The following DVL2 variants were observed in gnomAD, a reference collection of about 807,000 sequenced individuals.
The protein encoded by DVL2 is dishevelled segment polarity protein 2.
In DVL2, 38 loss-of-function variants were observed where a neutral mutation model predicts 69.8. The observed-to-expected ratio is 0.54, with a 90% CI of 0.42 to 0.71. DVL2 has a LOEUF of 0.71. Ranked by LOEUF, DVL2 falls within the 30% of genes least tolerant of loss-of-function variation. DVL2 has a pLI of 0.00. For missense variants in DVL2, 931 were observed against 1,008.1 expected (o/e 0.92, Z 1.04); for synonymous variants, 428 against 392.4 (o/e 1.09, Z -1.07).
chr17:7,231,397 T>C (rs1267503697), intron 1 of DVL2, among the ~76,000 whole-genome samples: 4 of 137,174 alleles, frequency 2.9e-5, no homozygotes, highest in African/African-American at 1.1e-4. Context: ...CGGGAGACAG[T>C]GGTTGCAGTA....
rs1430288575 is a variant in DVL2, at chr17:7,229,939, C to T, written c.525G>A (p.Gly175=). The change falls in exon 5 of 15, where the codon GGG becomes GGA. Residue 175 remains glycine (G), a synonymous_variant. Transcript: ENST00000005340. This position sits in a 1 kb window ranked among gnomAD's most constrained non-coding sequence, Gnocchi z 4.4. ...RRRDSSEHGA[G]GHRTGGPSRL... ...TTGAGGGGCCACCAGTCCTGTGGCC[C>T]CCAGCTACATATGGACAGGAAGCTC... 6.2e-7 allele frequency: 1 copy of T among 1,608,268 alleles called. No homozygotes were observed. The highest frequency in any genetic ancestry group is 1.1e-5 in the South Asian group (1 of 91,080).
intron 1 of DVL2, among the ~76,000 whole-genome samples, chr17:7,231,511 T>A (rs1303672837): frequency 6.7e-6 from 1 of 149,590 alleles, no homozygotes; most frequent in Non-Finnish European, 1.5e-5. Flanking sequence ...TCTACTCTTA[T>A]ACTTTCCTTT....
chr17:7,233,656 G>T (rs992470876), intron 1 of DVL2, among the ~76,000 whole-genome samples: 3 of 152,080 alleles, frequency 2.0e-5, no homozygotes, highest in African/African-American at 7.2e-5. Flanking sequence ...CACCGTGTTA[G>T]CCAGGATGGC....
chr17:7,227,057 C>T, intron 13 of DVL2, 33 bp downstream of exon 13: 1 of 1,577,276 alleles, frequency 6.3e-7, no homozygotes. Context: ...GTAGGCAAAG[C>T]CACACTCCCA....
At chr17:7,230,558 A>C in intron 2 of DVL2, 128 bp from the exon 3 acceptor site, 3 of 1,383,234 alleles carry the variant, frequency 2.2e-6, no homozygotes, top group Non-Finnish European at 3.0e-6. Flanking sequence ...CAAGTATTAG[A>C]GACTCCAGAA....
intron 9 of DVL2, 57 bp from the exon 10 acceptor site, chr17:7,228,101 C>G: frequency 7.1e-7 from 1 of 1,416,034 alleles, no homozygotes; most frequent in Non-Finnish European, 9.6e-7. Context: ...CTCAGGAGGG[C>G]GGGGGTCTGA....
intron 2 of DVL2, 25 bp downstream of exon 2, chr17:7,230,703 G>C: frequency 4.4e-6 from 7 of 1,601,020 alleles, no homozygotes; most frequent in Non-Finnish European, 6.0e-6. Context: ...GAGGGGGCCT[G>C]GTCCTCGGTG....
Position 7,225,870 on chromosome 17 carries a change from T to C in DVL2, c.2206A>G (p.Met736Val). The change falls in exon 15 of 15, where the codon ATG (methionine) becomes GTG (valine). Residue 736 changes from methionine to valine, a missense_variant. By Grantham distance (21) the Met-to-Val change is conservative. Transcript: ENST00000005340. ...GNPSEFFVDVM is the reference protein window; with the variant it reads ...GNPSEFFVDVV ...CAGCCTGGCCCCACAGTGGGCTACA[T>C]AACATCCACAAAGAACTCGCTGGGA... 1 of 1,613,694 alleles carries C rather than the reference T, an allele frequency of 6.2e-7. No individual in the cohort carries two copies. Among genetic ancestry groups the C allele is most frequent in the South Asian group, 1.1e-5 (1 of 91,086 alleles).
rs1256620464 is a variant in DVL2 at position 7,225,825 on chromosome 17, C to A, written c.*40G>T. ...ACATGACGGCCAGGACACCCAGTCA[C>A]ACACCAGGAGCGCCCGGCCCAGCCT... On this transcript the variant is annotated 3_prime_UTR_variant, in exon 15 of 15. Transcript: ENST00000005340. 1.3e-6 allele frequency: 2 copies of A among 1,571,978 alleles called. No individual in the cohort carries two copies. Among genetic ancestry groups the A allele is most frequent in the South Asian group, 1.1e-5 (1 of 90,192 alleles).
chr17:7,234,067 A>C lies in DVL2; in HGVS notation c.194+2T>G, dbSNP rs1337412637. 6.2e-7 allele frequency: 1 copy of C among 1,613,674 alleles called. No individual in the cohort carries two copies. Among genetic ancestry groups the C allele is most frequent in the Non-Finnish European group, 8.5e-7 (1 of 1,179,980 alleles). On this transcript the variant is annotated splice_donor_variant, in intron 1 of 14. Transcript: ENST00000005340. LOFTEE classifies it high-confidence loss of function. ...CCGGTCCTATCTAGGCCTTGCGCTC[A>C]CCCGAAATCCTGATCCATAGACTTG...
At position 7,229,683 on chromosome 17, in the gene DVL2, CAGG is replaced by C. The variant is rs950033009; in HGVS notation, c.657-8_657-6del. ...TGCTCCGTGGAGCTGCTGAACCTAC[CAGG>C]AGGTTGGGAAGGAGAGCAAACGTAG... On this transcript the variant is annotated splice_polypyrimidine_tract_variant and splice_region_variant and intron_variant, in intron 5 of 14. Transcript: ENST00000005340. This position sits in a 1 kb window ranked among gnomAD's most constrained non-coding sequence, Gnocchi z 4.4. 3 of 1,553,190 alleles carry C rather than the reference CAGG, an allele frequency of 1.9e-6. No homozygotes were observed. The African/African-American group carries it at 4.1e-5, about 21-fold the overall frequency.
intron 2 of DVL2, 97 bp downstream of exon 2, chr17:7,230,631 C>CTAACGCGCGGCCTGGGGAGGA (rs2071528531): frequency 5.1e-6 from 7 of 1,377,376 alleles, no homozygotes; most frequent in Non-Finnish European, 6.0e-6. Context: ...GCCAGGGCTG[C>CTAACGCGCGGCCTGGGGAGGA]TAACGCGCGG....
intron 9 of DVL2, chr17:7,228,763 G>A (rs1272143410): frequency 7.2e-6 from 4 of 559,078 alleles, no homozygotes; most frequent in Admixed American, 3.1e-5. Context: ...TCTATTTTTA[G>A]TAGAGACACG....
chr17:7,232,853 G>T (rs964251097), intron 1 of DVL2, among the ~76,000 whole-genome samples: 1 of 152,108 alleles, frequency 6.6e-6, no homozygotes, highest in Non-Finnish European at 1.5e-5. Context: ...ACTTTGGGAG[G>T]CTGAGGCGGG....
rs1227149480 is a variant in DVL2 at position 7,229,466 on chromosome 17, C to A, written c.748-19G>T. ...ATGACGTCTGTGGTGGGAAAAGGAG[C>A]CAGAGTGCCCTTCAATAACCCAGGG... On this transcript the variant is annotated intron_variant, in intron 6 of 14. Transcript: ENST00000005340. This position sits in a 1 kb window ranked among gnomAD's most constrained non-coding sequence, Gnocchi z 4.4. 1.9e-6 allele frequency: 3 copies of A among 1,614,012 alleles called. No homozygotes were observed. The Admixed American group carries it at 5.0e-5, about 27-fold the overall frequency.
rs1431820527 is a variant in DVL2, at chr17:7,226,596, C to T, written c.1587G>A (p.Gly529=). ...GAGCCAGGGTATCCTGGTCTGAAGCCCCACTGGAGCCATCGTTGTCATTGA... is the reference window on the plus strand; with the variant it reads ...GAGCCAGGGTATCCTGGTCTGAAGCTCCACTGGAGCCATCGTTGTCATTGA... ...LSLNDNDGSS[G]ASDQDTLAPL... The change falls in exon 14 of 15, where the codon GGG becomes GGA. Residue 529 remains glycine, a synonymous_variant. Transcript: ENST00000005340. 1 of 1,592,256 alleles carries T rather than the reference C, an allele frequency of 6.3e-7. No individual in the cohort carries two copies. Among genetic ancestry groups the T allele is most frequent in the South Asian group, 1.1e-5 (1 of 88,558 alleles).
chr17:7,234,341 A>C lies in DVL2; in HGVS notation c.-79T>G. On this transcript the variant is annotated 5_prime_UTR_variant, in exon 1 of 15. Transcript: ENST00000005340. ...CCTGCCGCGCCTGCGCACACCCGCA[A>C]ACCGACGCGCGAGCGCGGACAGGAC... 6.7e-7 allele frequency: 1 copy of C among 1,503,566 alleles called. No homozygotes were observed. The highest frequency in any genetic ancestry group is 9.0e-7 in the Non-Finnish European group (1 of 1,111,538). 93.1% of individuals were successfully genotyped at this position (1,503,566 alleles called of 1,614,324 possible).
intron 1 of DVL2, among the ~76,000 whole-genome samples, chr17:7,231,861 GAAAAA>G (rs35734517): frequency 2.0e-5 from 1 of 50,218 alleles, no homozygotes; most frequent in African/African-American, 7.2e-5. Flanking sequence ...CTCCACCTCA[GAAAAA>G]AAAAAAAAAA....
chr17:7,228,301 G>C, intron 9 of DVL2: 1 of 331,156 alleles, frequency 3.0e-6, no homozygotes, highest in Admixed American at 4.5e-5. Context: ...TCCAAAAACA[G>C]GTAAAACGAA....
Sources: allele counts gnomAD v4.1 joint callset (sites outside exome capture counted in the v4.1 genomes callset), GRCh38; gene constraint gnomAD v4.1.1; non-coding constraint Gnocchi (gnomAD v3.1); transcripts MANE v1.5; gene names NCBI Gene and HGNC (gene_info 2026-07-23, HGNC 2026-07-21).